Variants in ISYNA1 observed in about 807,000 individuals in gnomAD.
ISYNA1 encodes MI-1-P synthase.
Under a neutral mutation model 50.3 loss-of-function variants are expected in ISYNA1, and 34 were observed. The observed-to-expected ratio is 0.68, with a 90% confidence interval of 0.51 to 0.90. ISYNA1 has a LOEUF of 0.90. Among genes scored for constraint, ISYNA1 ranks in the 40% least tolerant of loss-of-function variants. The pLI, the probability that ISYNA1 is intolerant of heterozygous loss-of-function variation, is 0.00. For synonymous variants in ISYNA1, 396 were observed against 349.9 expected, an observed-to-expected ratio of 1.13 and a Z score of -1.47; for missense variants, 718 against 784.8, an observed-to-expected ratio of 0.91 and a Z score of 1.02.
At chr19:18,436,940 T>TG in intron 4 of ISYNA1, 33 bp downstream of exon 4, 1 of 806,246 alleles carries the variant, frequency 1.2e-6, no homozygotes, top group Non-Finnish European at 2.0e-6. Context: ...CCATCTCCCA[T>TG]CCCGCCCCAC....
chr19:18,435,387 G>GCGGCT lies in ISYNA1; in HGVS notation c.1346_1350dup (p.Gln451SerfsTer20). 1 of 1,611,444 alleles carries GCGGCT rather than the reference G, an allele frequency of 6.2e-7. No homozygotes were observed. The highest frequency in any genetic ancestry group is 8.5e-7 in the Non-Finnish European group (1 of 1,179,974). ...AGGGACAGCACGGGGTGGAAGGTCT[G>GCGGCT]CGGCTCGGGGTCCATGTCAGTGCAG... On this transcript the variant is annotated frameshift_variant, in exon 10 of 11. Transcript: ENST00000338128. LOFTEE classifies it high-confidence loss of function.
In ISYNA1 at chr19:18,437,704, G is replaced by T; in HGVS notation, c.177C>A (p.Leu59=). ...TFRTARQVPR[L]GVMLVGWGGN... is the part of the protein sequence containing the mutation. ...CGCCCCAGCCGACAAGCATGACCCC[G>T]AGCCGGGGCACCTGCCGGGCGGTCC... Residue 59 remains leucine, a synonymous_variant, in exon 3 of 11, where the codon CTC becomes CTA. Transcript: ENST00000338128. 1 of 1,556,456 alleles carries T rather than the reference G, an allele frequency of 6.4e-7. No individual in the cohort carries two copies.
At position 18,434,831 on chromosome 19, in the gene ISYNA1, C is replaced by G. The variant is rs905620613; in HGVS notation, c.*82G>C. ...AGGTGGAAGGAGGGCTGAGTGGCAG[C>G]GCCTTTATTTGTGGGGGCCTTCAAG... On this transcript the variant is annotated 3_prime_UTR_variant, in exon 11 of 11. Transcript: ENST00000338128. 8.5e-7 allele frequency: 1 copy of G among 1,179,370 alleles called. No individual in the cohort carries two copies. The highest frequency in any genetic ancestry group is 1.5e-5 in the African/African-American group (1 of 66,380). 73.1% of individuals were successfully genotyped at this position (1,179,370 alleles called of 1,614,324 possible).
In ISYNA1 at chr19:18,435,123, G is replaced by A; in HGVS notation, c.1473-6C>T. ...GCGGGAGCCCCACGCAGGCCCTGGA[G>A]AGGTCACACAGCTTAGCAGAGCCAG... On this transcript the variant is annotated splice_region_variant and splice_polypyrimidine_tract_variant and intron_variant, in intron 10 of 10. Coordinates refer to ENST00000338128, the MANE Select transcript of ISYNA1 (RefSeq NM_016368.5). 1 of 1,612,916 alleles carries A rather than the reference G, an allele frequency of 6.2e-7. No homozygotes were observed. Among genetic ancestry groups the A allele is most frequent in the Non-Finnish European group, 8.5e-7 (1 of 1,179,860 alleles).
intron 5 of ISYNA1, 55 bp downstream of exon 5, chr19:18,436,629 A>C (rs759163947): frequency 5.2e-5 from 83 of 1,594,050 alleles, no homozygotes; most frequent in Non-Finnish European, 6.7e-5. Context: ...AAAAGAGGGA[A>C]CCAAGTGGCG....
At chr19:18,437,482 A>ACCCCCCCCCC in intron 3 of ISYNA1, 117 bp downstream of exon 3, 1 of 638,198 alleles carries the variant, frequency 1.6e-6, no homozygotes, top group Non-Finnish European at 2.1e-6. Flanking sequence ...GCCCCGCGGA[A>ACCCCCCCCCC]CCCCACCCCC....
At chr19:18,435,735 C>T (rs746244619) in intron 8 of ISYNA1, 22 bp downstream of exon 8, 4 of 1,610,862 alleles carry the variant, frequency 2.5e-6, no homozygotes, top group Non-Finnish European at 2.5e-6. Flanking sequence ...CAACCCCGCG[C>T]CCGCGCCCGC....
In ISYNA1 at chr19:18,435,083, G is replaced by T; in HGVS notation, c.1507C>A (p.Leu503Ile). The T allele has an allele frequency of 6.2e-7, 1 of 1,613,632 alleles. No homozygotes were observed. The highest frequency in any genetic ancestry group is 8.5e-7 in the Non-Finnish European group (1 of 1,180,002). ...CVGLPPQNHM[L>I]LEHKMERPGP... The stretch of plus-strand genomic sequence containing the variant: ...GGGCGCTCCATTTTGTGTTCCAGGA[G>T]CATGTGGTTCTGTGGCGGGAGCCCC... Residue 503 changes from leucine (L) to isoleucine (I), a missense_variant, in exon 11 of 11, where the codon CTC (leucine) becomes ATC (isoleucine). Around this residue, in one of 3 missense-constraint regions of ISYNA1, gnomAD observed 305 missense variants for 292.6 expected, o/e 1.04. Coordinates refer to ENST00000338128, the MANE Select transcript of ISYNA1 (RefSeq NM_016368.5).
rs749954642 is a variant in ISYNA1 at position 18,435,010 on chromosome 19, A to G, written c.1580T>C (p.Met527Thr). The G allele has an allele frequency of 5.6e-6, 9 of 1,613,336 alleles. No homozygotes were observed. The highest frequency in any genetic ancestry group is 1.1e-5 in the South Asian group (1 of 91,086). The change falls in exon 11 of 11, where the codon ATG becomes ACG. Residue 527 changes from methionine to threonine, a missense_variant. Physicochemically the swap from Met to Thr is moderately conservative, Grantham distance 81 (BLOSUM62 -1). Coordinates refer to ENST00000338128, the MANE Select transcript of ISYNA1 (RefSeq NM_016368.5). ...RVGPVAATYP[M>T]LNKKGPVPAA... Reference sequence around the variant, plus strand: ...GGGTACCGGTCCTTTCTTGTTCAACATAGGGTAGGTGGCAGCCACGGGTCC... The same window carrying G: ...GGGTACCGGTCCTTTCTTGTTCAACGTAGGGTAGGTGGCAGCCACGGGTCC...
At chr19:18,435,712 A>AC (rs751368711) in intron 8 of ISYNA1, 36 bp from the exon 9 acceptor site, 2 of 1,610,814 alleles carry the variant, frequency 1.2e-6, no homozygotes, top group South Asian at 1.1e-5. Flanking sequence ...GGTCCCTGCC[A>AC]CCCCTCGCCG....
At chr19:18,437,167 C>T in intron 3 of ISYNA1, 62 bp from the exon 4 acceptor site, 1 of 1,513,844 alleles carries the variant, frequency 6.6e-7, no homozygotes, top group Non-Finnish European at 8.9e-7. Flanking sequence ...GCGACCCGGC[C>T]TGGGCCCCAC....
In ISYNA1 at chr19:18,436,277, G is replaced by A. The variant is rs369772066; in HGVS notation, c.760-30C>T. 89 of 1,608,144 alleles carry A rather than the reference G, an allele frequency of 5.5e-5. No individual in the cohort carries two copies. In the African/African-American group the frequency reaches 6.3e-4, roughly 11 times the overall value. ...GGGCAAGGCGGGCAGTCAGCACAGA[G>A]CTGTGTCTGTGACTGGCCCTGCCTG... On this transcript the variant is annotated intron_variant, in intron 6 of 10. Coordinates refer to ENST00000338128, the MANE Select transcript of ISYNA1 (RefSeq NM_016368.5).
At position 18,436,396 on chromosome 19, in the gene ISYNA1, C is replaced by A; in HGVS notation, c.693G>T (p.Thr231=). 6.2e-7 allele frequency: 1 copy of A among 1,611,864 alleles called. No individual in the cohort carries two copies. The highest frequency in any genetic ancestry group is 8.5e-7 in the Non-Finnish European group (1 of 1,179,888). Residue 231 remains threonine (T), a synonymous_variant, in exon 6 of 11, where the codon ACG becomes ACT. Transcript: ENST00000338128. The stretch of plus-strand genomic sequence containing the variant: ...CTGGAATCACCTCACAGAAGCGCTC[C>A]GTGTTCGCCGTCCACAGCACTATGA... The part of the protein sequence containing the change: ...DKVIVLWTAN[T]ERFCEVIPGL...
rs766889926 is a variant in ISYNA1, at chr19:18,436,776, G to A, written c.517C>T (p.Arg173Trp). 4 of 1,576,640 alleles carry A rather than the reference G, an allele frequency of 2.5e-6. No individual in the cohort carries two copies. Among genetic ancestry groups the A allele is most frequent in the Admixed American group, 4.0e-5 (2 of 50,274 alleles). ...EQLWPHMEALRPRPSVYIPEF... is the reference protein window; with the variant it reads ...EQLWPHMEALWPRPSVYIPEF... ...GGGATGTAAACAGAAGGCCGGGGCCGCAGGGCCTCCATGTGCGGCCACAGT... is the reference window on the plus strand; with the variant it reads ...GGGATGTAAACAGAAGGCCGGGGCCACAGGGCCTCCATGTGCGGCCACAGT... Residue 173 changes from arginine to tryptophan, a missense_variant, in exon 5 of 11, where the codon CGG (arginine) becomes TGG (tryptophan). Transcript: ENST00000338128.
In ISYNA1 at chr19:18,436,133, C is replaced by T; in HGVS notation, c.874G>A (p.Ala292Thr). ...NTLVPGALEL[A>T]WQHRVFVGGD... is the part of the protein sequence containing the mutation. ...CCCACAAAAACCCGGTGCTGCCACGCGAGCTCAAGAGCTCCGGGCACCAGG... is the reference window on the plus strand; with the variant it reads ...CCCACAAAAACCCGGTGCTGCCACGTGAGCTCAAGAGCTCCGGGCACCAGG... The change falls in exon 7 of 11, where the codon GCG becomes ACG. Residue 292 changes from alanine to threonine, a missense_variant. By Grantham distance (58) the Ala-to-Thr change is moderately conservative (BLOSUM62 0). Transcript: ENST00000338128. 1 of 1,612,834 alleles carries T rather than the reference C, an allele frequency of 6.2e-7. No individual in the cohort carries two copies. Among genetic ancestry groups the T allele is most frequent in the Non-Finnish European group, 8.5e-7 (1 of 1,179,930 alleles).
chr19:18,435,323 C>G lies in ISYNA1; in HGVS notation c.1415G>C (p.Gly472Ala). The change falls in exon 10 of 11, where the codon GGC (glycine) becomes GCC (alanine). Residue 472 changes from glycine (G) to alanine (A), a missense_variant. Gly to Ala is a moderately conservative substitution (Grantham distance 60). Coordinates refer to ENST00000338128, the MANE Select transcript of ISYNA1 (RefSeq NM_016368.5). ...GAAAAGCGCATTGACCACCGGGCTGCCGGGCGGCACTAGTGGCGCCTTGAA... is the reference window on the plus strand; with the variant it reads ...GAAAAGCGCATTGACCACCGGGCTGGCGGGCGGCACTAGTGGCGCCTTGAA... ...FLFKAPLVPP[G>A]SPVVNALFRQ... 6.2e-7 allele frequency: 1 copy of G among 1,609,236 alleles called. No homozygotes were observed. Among genetic ancestry groups the G allele is most frequent in the Non-Finnish European group, 8.5e-7 (1 of 1,179,974 alleles).
intron 4 of ISYNA1, 35 bp from the exon 5 acceptor site, chr19:18,436,912 C>T: frequency 6.3e-7 from 1 of 1,597,988 alleles, no homozygotes; most frequent in Non-Finnish European, 8.5e-7. Flanking sequence ...CTGCCCGGAT[C>T]CTGGGCCCCT....
At chr19:18,436,509 G>A (rs1218303563) in intron 5 of ISYNA1, 30 bp from the exon 6 acceptor site, 1 of 1,601,726 alleles carries the variant, frequency 6.2e-7, no homozygotes, top group South Asian at 1.1e-5. Context: ...GGTGTGGGGA[G>A]GATGGAGAGG....
intron 3 of ISYNA1, chr19:18,437,359 C>A (rs910744572): frequency 1.2e-5 from 16 of 1,354,318 alleles, no homozygotes; most frequent in Non-Finnish European, 1.3e-5. Context: ...CCGCCTGCAG[C>A]CAGGCCCCGC....
Sources: allele counts gnomAD v4.1 joint callset, GRCh38; gene constraint gnomAD v4.1.1; regional missense constraint gnomAD v4.1.1; transcripts MANE v1.5; gene names NCBI Gene and HGNC (gene_info 2026-07-23, HGNC 2026-07-21).